The following MAGI2 variants were observed in gnomAD, a reference collection of about 807,000 sequenced individuals.
MAGI2 encodes the protein membrane-associated guanylate kinase, WW and PDZ domain-containing protein 2.
In MAGI2, 35 loss-of-function variants were observed where a neutral mutation model predicts 133.3. That is an observed-to-expected ratio of 0.26 (90% CI 0.20 to 0.35). MAGI2 has a LOEUF of 0.35. Ranked by LOEUF, MAGI2 falls within the 10% of genes least tolerant of loss-of-function variation. The pLI is 1.00. For missense variants in MAGI2, 1,636 were observed against 1,863.4 expected, an observed-to-expected ratio of 0.88 and a Z score of 2.25; for synonymous variants, 729 against 710.6, an observed-to-expected ratio of 1.03 and a Z score of -0.41.
chr7:79,359,069 A>C (rs1842204627), intron 1 of MAGI2, among the ~76,000 whole-genome samples: 1 of 152,234 alleles, frequency 6.6e-6, no homozygotes, highest in African/African-American at 2.4e-5. Context: ...AGGATTTTAA[A>C]GCAACAAAAT....
intron 2 of MAGI2, among the ~76,000 whole-genome samples, chr7:78,803,842 G>A (rs1028111343): frequency 9.2e-5 from 14 of 152,046 alleles, no homozygotes; most frequent in African/African-American, 3.1e-4. Context: ...GTTTGTCATC[G>A]AGAAAGAAAG....
intron 3 of MAGI2, among the ~76,000 whole-genome samples, chr7:78,599,620 A>G (rs1224976337): frequency 6.6e-6 from 1 of 152,196 alleles, no homozygotes. Flanking sequence ...CTACTCTTCC[A>G]CTGAACAATA....
chr7:79,433,791 C>T (rs1847949468), intron 1 of MAGI2, among the ~76,000 whole-genome samples: 1 of 151,982 alleles, frequency 6.6e-6, no homozygotes, highest in South Asian at 2.1e-4. Context: ...CAGAGATTCA[C>T]ACATGAATAA....
At chr7:78,531,128 A>G (rs561374000) in intron 3 of MAGI2, among the ~76,000 whole-genome samples, 2 of 152,300 alleles carry the variant, frequency 1.3e-5, no homozygotes, top group South Asian at 2.1e-4. Flanking sequence ...TAACTTTAGT[A>G]TAATTCCAGT....
At position 78,983,366 on chromosome 7, in the gene MAGI2, A is replaced by T. The variant is rs952935240; in HGVS notation, c.418+23724T>A. On this transcript the variant is annotated intron_variant, in intron 2 of 21. Coordinates refer to ENST00000354212, the MANE Select transcript of MAGI2 (RefSeq NM_012301.4). ...AAAACTACTGTTCTAAATAAGACTC[A>T]TGTCATATTTTTTTTAAGAGTGGGG... Among the ~76,000 whole-genome samples the T allele has an allele frequency of 2.6e-5, 4 of 152,004 alleles. No homozygotes were observed. The East Asian group carries it at 7.8e-4, about 29-fold the overall frequency.
intron 1 of MAGI2, among the ~76,000 whole-genome samples, chr7:79,231,964 T>A (rs1224078269): frequency 6.6e-6 from 1 of 152,206 alleles, no homozygotes; most frequent in East Asian, 1.9e-4. Flanking sequence ...TTGAGATACG[T>A]CCCATCGATA....
intron 20 of MAGI2, among the ~76,000 whole-genome samples, chr7:78,105,770 A>T (rs891509948): frequency 3.3e-5 from 5 of 151,882 alleles, no homozygotes; most frequent in African/African-American, 4.8e-5. Context: ...GATACATGTG[A>T]TGTTTTGATA....
chr7:78,346,537 G>A (rs1790927517), intron 7 of MAGI2, among the ~76,000 whole-genome samples: 1 of 152,160 alleles, frequency 6.6e-6, no homozygotes, highest in Admixed American at 6.5e-5. Flanking sequence ...CTGGGATCCA[G>A]GAGAAAGAGT....
At chr7:78,111,718 G>A (rs2150468729) in intron 20 of MAGI2, among the ~76,000 whole-genome samples, 1 of 152,332 alleles carries the variant, frequency 6.6e-6, no homozygotes, top group South Asian at 2.1e-4. Flanking sequence ...TTCGTAAAAG[G>A]CATGGAGCAG....
At chr7:79,150,779 T>A (rs1000004175) in intron 1 of MAGI2, among the ~76,000 whole-genome samples, 4 of 151,948 alleles carry the variant, frequency 2.6e-5, no homozygotes, top group Non-Finnish European at 5.9e-5. Context: ...GACTATACAG[T>A]TTTTTCAATG....
At chr7:79,151,291 C>G (rs1291724742) in intron 1 of MAGI2, among the ~76,000 whole-genome samples, 3 of 152,180 alleles carry the variant, frequency 2.0e-5, no homozygotes, top group African/African-American at 7.2e-5. Context: ...ACAAAATGTG[C>G]TTTACAAAAA....
At chr7:78,076,839 C>A (rs1236806681) in intron 21 of MAGI2, among the ~76,000 whole-genome samples, 3 of 105,116 alleles carry the variant, frequency 2.9e-5, no homozygotes, top group African/African-American at 3.9e-5. Flanking sequence ...GGCGACAGAG[C>A]GAGACTCCGT....
rs144744399 is a variant in MAGI2 at position 78,643,693 on chromosome 7, A to G, written c.419-16454T>C. ...TAAGAGATGGTTTAAAGTAAAAGTA[A>G]TAACAATATAGTGAATTAAAATATA... On this transcript the variant is annotated intron_variant, in intron 2 of 21. Coordinates refer to ENST00000354212, the MANE Select transcript of MAGI2 (RefSeq NM_012301.4). 1.6e-3 allele frequency among the ~76,000 whole-genome samples: 245 copies of G among 152,296 alleles called. 1 individual carries two copies. Among genetic ancestry groups the G allele is most frequent in the Non-Finnish European group, 2.5e-3 (171 of 68,030 alleles).
At chr7:79,409,035 T>G (rs17421752) in intron 1 of MAGI2, among the ~76,000 whole-genome samples, 83,024 of 151,906 alleles carry the variant, frequency 0.55, 25,206 homozygotes, top group African/African-American at 0.81. Context: ...AAATCCAAAA[T>G]AACCCTCTAC....
chr7:79,073,455 A>T (rs771825754), intron 1 of MAGI2, among the ~76,000 whole-genome samples: 8 of 152,098 alleles, frequency 5.3e-5, no homozygotes, highest in Non-Finnish European at 8.8e-5. Flanking sequence ...TTCAGTTTGG[A>T]TAACGAGTTA....
At chr7:79,431,112 GAA>G in intron 1 of MAGI2, among the ~76,000 whole-genome samples, 1 of 152,248 alleles carries the variant, frequency 6.6e-6, no homozygotes, top group African/African-American at 2.4e-5. Context: ...TAGGCAAGAT[GAA>G]ATAAATCTGC....
At chr7:79,039,428 T>C (rs533081207) in intron 1 of MAGI2, among the ~76,000 whole-genome samples, 2 of 152,252 alleles carry the variant, frequency 1.3e-5, no homozygotes, top group African/African-American at 2.4e-5. Context: ...TTCTTTTTTT[T>C]AATAAAAAGT....
At chr7:78,581,456 T>C (rs894765975) in intron 3 of MAGI2, among the ~76,000 whole-genome samples, 4 of 152,232 alleles carry the variant, frequency 2.6e-5, no homozygotes, top group African/African-American at 9.6e-5. Context: ...TAGCAGTATA[T>C]GGTTAGAACT....
At chr7:78,909,902 T>G (rs1449763361) in intron 2 of MAGI2, among the ~76,000 whole-genome samples, 1 of 152,130 alleles carries the variant, frequency 6.6e-6, no homozygotes, top group Non-Finnish European at 1.5e-5. Context: ...CCATCAGTGA[T>G]AGACTGGATA....
Sources: gnomAD v4.1 joint callset for allele counts (sites outside exome capture counted in the v4.1 genomes callset) on GRCh38, gnomAD v4.1.1 for gene constraint, MANE v1.5 for transcripts, NCBI Gene and HGNC (gene_info 2026-07-23, HGNC 2026-07-21) for gene names.